Variants in CTNNA2 observed in about 807,000 individuals in gnomAD.
CTNNA2 encodes catenin alpha 2.
Under a neutral mutation model 101.0 loss-of-function variants are expected in CTNNA2, and 42 were observed. That is an observed-to-expected ratio of 0.42 (90% CI 0.32 to 0.54). The LOEUF (loss-of-function observed/expected upper bound fraction) is 0.54. Ranked by LOEUF, CTNNA2 falls within the 20% of genes least tolerant of loss-of-function variation. CTNNA2 has a pLI of 0.14. For missense variants in CTNNA2, 871 were observed against 1,223.1 expected (o/e 0.71, Z 4.29); for synonymous variants, 450 against 456.4 (o/e 0.99, Z 0.18).
intron 7 of CTNNA2, among the ~76,000 whole-genome samples, chr2:80,070,366 A>T (rs766121780): frequency 1.3e-5 from 2 of 152,306 alleles, no homozygotes; most frequent in East Asian, 1.9e-4. Context: ...GTAACACATT[A>T]TCACAAACTT....
At chr2:79,645,505 G>T (rs1573559199) in intron 1 of CTNNA2, among the ~76,000 whole-genome samples, 1 of 152,146 alleles carries the variant, frequency 6.6e-6, no homozygotes, top group Non-Finnish European at 1.5e-5. Flanking sequence ...AAAAGGCAGA[G>T]AAAAAAGCAA....
chr2:80,163,301 T>TTA (rs893124843), intron 7 of CTNNA2, among the ~76,000 whole-genome samples: 45 of 152,110 alleles, frequency 3.0e-4, no homozygotes, highest in African/African-American at 9.9e-4. Flanking sequence ...CTTGGTCATT[T>TTA]TATATATATA....
intron 9 of CTNNA2, among the ~76,000 whole-genome samples, chr2:80,490,600 G>A (rs1324967971): frequency 6.6e-6 from 1 of 152,094 alleles, no homozygotes; most frequent in East Asian, 1.9e-4. Context: ...GCTGCAGTTT[G>A]CTGAGCTCAG....
intron 7 of CTNNA2, among the ~76,000 whole-genome samples, chr2:80,075,628 T>G (rs1238858009): frequency 1.4e-4 from 14 of 100,430 alleles, no homozygotes; most frequent in African/African-American, 7.4e-5. Flanking sequence ...ATATAAATAT[T>G]TATACATGTA....
intron 2 of CTNNA2, among the ~76,000 whole-genome samples, chr2:79,730,390 T>G (rs911408270): frequency 6.6e-6 from 1 of 152,026 alleles, no homozygotes; most frequent in African/African-American, 2.4e-5. Flanking sequence ...AGGATGAGAT[T>G]TTGTTGAGAT....
At chr2:79,325,971 G>A (rs996541238) in intron 3 of CTNNA2, among the ~76,000 whole-genome samples, 3 of 152,188 alleles carry the variant, frequency 2.0e-5, no homozygotes, top group Non-Finnish European at 4.4e-5. Flanking sequence ...GTCAATTCAA[G>A]AGGGTTTAGA....
intron 12 of CTNNA2, among the ~76,000 whole-genome samples, chr2:80,561,316 G>A (rs1693569942): frequency 6.6e-6 from 1 of 152,166 alleles, no homozygotes; most frequent in Admixed American, 6.5e-5. Flanking sequence ...GCCTCATCCA[G>A]TAAAGAGCCC....
At chr2:80,093,869 A>C (rs190915751) in intron 7 of CTNNA2, among the ~76,000 whole-genome samples, 1 of 151,436 alleles carries the variant, frequency 6.6e-6, no homozygotes, top group Non-Finnish European at 1.5e-5. Context: ...TTTTTCTTGT[A>C]AATTTGTTTG....
intron 4 of CTNNA2, among the ~76,000 whole-genome samples, chr2:79,460,065 G>A (rs1670863264): frequency 6.6e-6 from 1 of 152,024 alleles, no homozygotes; most frequent in Non-Finnish European, 1.5e-5. Flanking sequence ...TTTCCAGGTA[G>A]TAATATACTG....
chr2:79,408,082 A>T (rs978903328), intron 4 of CTNNA2, among the ~76,000 whole-genome samples: 3 of 151,976 alleles, frequency 2.0e-5, no homozygotes, highest in Non-Finnish European at 4.4e-5. Flanking sequence ...TCCATCCTGC[A>T]GTCAGTGGAT....
intron 7 of CTNNA2, among the ~76,000 whole-genome samples, chr2:80,353,074 C>T (rs1329469042): frequency 1.3e-5 from 2 of 152,090 alleles, no homozygotes; most frequent in Non-Finnish European, 2.9e-5. Context: ...CCCCAAGAAA[C>T]CTAGTTCATC....
At chr2:79,589,765 G>A (rs1558753743) in intron 1 of CTNNA2, among the ~76,000 whole-genome samples, 2 of 149,058 alleles carry the variant, frequency 1.3e-5, no homozygotes, top group African/African-American at 4.9e-5. Flanking sequence ...AGGACGGCGT[G>A]GAAACTAACA....
intron 2 of CTNNA2, among the ~76,000 whole-genome samples, chr2:79,262,578 G>A (rs2104288630): frequency 6.6e-6 from 1 of 152,018 alleles, no homozygotes; most frequent in South Asian, 2.1e-4. Flanking sequence ...CTCTAATTCA[G>A]CGGCTCCCAA....
chr2:79,531,882 A>C (rs1328263288), intron 1 of CTNNA2, among the ~76,000 whole-genome samples: 1 of 152,052 alleles, frequency 6.6e-6, no homozygotes, highest in Non-Finnish European at 1.5e-5. Flanking sequence ...GGGTTTCACC[A>C]TGTTGGTCAG....
chr2:79,888,949 CT>C (rs1684095410), intron 6 of CTNNA2, among the ~76,000 whole-genome samples: 1 of 152,076 alleles, frequency 6.6e-6, no homozygotes, highest in African/African-American at 2.4e-5. Flanking sequence ...CTAGTGAACT[CT>C]TTATTAGAGC....
chr2:79,324,352 G>C (rs1676694227), intron 3 of CTNNA2, among the ~76,000 whole-genome samples: 1 of 152,094 alleles, frequency 6.6e-6, no homozygotes, highest in Non-Finnish European at 1.5e-5. Context: ...TGGGGCATAA[G>C]TGCTGTCCTA....
chr2:79,743,545 T>C lies in CTNNA2; in HGVS notation c.103-842T>C, dbSNP rs867103155. On this transcript the variant is annotated intron_variant, in intron 2 of 18. Transcript: ENST00000402739. ...TTTATTTATTTTATTTATTTTTTTT[T>C]TTTTTGAGACGAAGTCTTGCTCTTG... 1.5e-3 allele frequency among the ~76,000 whole-genome samples: 229 copies of C among 151,476 alleles called. 1 individual carries two copies. Among genetic ancestry groups the C allele is most frequent in the African/African-American group, 5.0e-3 (208 of 41,408 alleles).
intron 7 of CTNNA2, among the ~76,000 whole-genome samples, chr2:79,930,335 AGAAAGAAAGAAAGAAAGAAAGAAT>A (rs1409982393): frequency 0.01 from 1,365 of 135,400 alleles, 23 homozygotes; most frequent in African/African-American, 0.027. Flanking sequence ...AAAGAAAGAA[AGAAAGAAAGAAAGAAAGAAAGAAT>A]GAACACGGGT....
chr2:79,344,776 CT>C (rs1195825581), intron 3 of CTNNA2, among the ~76,000 whole-genome samples: 1 of 147,426 alleles, frequency 6.8e-6, no homozygotes, highest in East Asian at 2.0e-4. Context: ...AGTTGCTCAA[CT>C]TTTCTGAGAA....
Sources: allele counts gnomAD v4.1 joint callset (sites outside exome capture counted in the v4.1 genomes callset), GRCh38; gene constraint gnomAD v4.1.1; transcripts MANE v1.5; gene names NCBI Gene and HGNC (gene_info 2026-07-23, HGNC 2026-07-21).